Variants in LAMA1 observed in about 807,000 individuals in gnomAD.
The protein encoded by LAMA1 is laminin subunit alpha-1.
LAMA1 carries 219 observed loss-of-function variants against 348.7 expected under a neutral mutation model. The ratio of observed to expected loss-of-function variants is 0.63; its 90% CI spans 0.56 to 0.70. LAMA1 has a LOEUF of 0.70. Ranked by LOEUF, LAMA1 falls within the 30% of genes least tolerant of loss-of-function variation. LAMA1 has a pLI of 0.00. For synonymous variants in LAMA1, 1,487 were observed against 1,491.0 expected (o/e 1.00, Z 0.06); for missense variants, 3,744 against 3,888.0 (o/e 0.96, Z 0.99).
At chr18:6,945,428 G>A (rs962665448) in intron 61 of LAMA1, among the ~76,000 whole-genome samples, 2 of 152,112 alleles carry the variant, frequency 1.3e-5, no homozygotes, top group Non-Finnish European at 1.5e-5. Flanking sequence ...AAAACCCAGC[G>A]GGGAGTAAGT....
At chr18:7,033,825 C>G (rs1253885195) in intron 14 of LAMA1, among the ~76,000 whole-genome samples, 1 of 152,024 alleles carries the variant, frequency 6.6e-6, no homozygotes, top group Non-Finnish European at 1.5e-5. Context: ...ACGTGCACCT[C>G]CTGGGTTCAA....
chr18:7,113,486 G>A (rs2058343674), intron 1 of LAMA1, among the ~76,000 whole-genome samples: 1 of 152,206 alleles, frequency 6.6e-6, no homozygotes, highest in African/African-American at 2.4e-5. Context: ...GATGTGGAGT[G>A]AAAAGGGCAC....
intron 10 of LAMA1, among the ~76,000 whole-genome samples, chr18:7,039,343 A>T (rs2058010417): frequency 6.6e-6 from 1 of 152,230 alleles, no homozygotes; most frequent in Non-Finnish European, 1.5e-5. Flanking sequence ...GGTGGGAATA[A>T]GCACATAGGT....
intron 1 of LAMA1, among the ~76,000 whole-genome samples, chr18:7,085,621 C>CGT (rs1598312223): frequency 1.3e-5 from 2 of 151,454 alleles, no homozygotes; most frequent in Non-Finnish European, 2.9e-5. Flanking sequence ...GGTTTCACCA[C>CGT]GTTAGCCAGG....
At chr18:7,107,831 G>T (rs953870139) in intron 1 of LAMA1, among the ~76,000 whole-genome samples, 12 of 148,562 alleles carry the variant, frequency 8.1e-5, no homozygotes, top group African/African-American at 3.0e-4. Context: ...TGGCTACCAT[G>T]GTGAAACCCC....
Position 6,985,271 on chromosome 18 carries a change from C to T in LAMA1, c.5626G>A (p.Ala1876Thr), listed in dbSNP as rs11664063. Reference sequence around the variant, plus strand: ...ACATCTGCTAGTCTCTGGAACTCAGCGGCATGGTCCTCAGCTCTGTAGACC... The same window carrying T: ...ACATCTGCTAGTCTCTGGAACTCAGTGGCATGGTCCTCAGCTCTGTAGACC... ...DLVYRAEDHA[A>T]EFQRLADVLY... Residue 1876 changes from alanine (A) to threonine (T), a missense_variant, in exon 39 of 63, where the codon GCT becomes ACT. Coordinates refer to ENST00000389658, the MANE Select transcript of LAMA1 (RefSeq NM_005559.4). 0.23 allele frequency: 368,626 copies of T among 1,613,800 alleles called. 45,019 individuals carry two copies. Among genetic ancestry groups the T allele is most frequent in the Non-Finnish European group, 0.26 (300,860 of 1,179,766 alleles).
At chr18:6,978,511 T>C in intron 42 of LAMA1, 133 bp from the exon 43 acceptor site, 1 of 876,186 alleles carries the variant, frequency 1.1e-6, no homozygotes. Flanking sequence ...AAACTGAGGC[T>C]TGTCTGTTTG....
intron 50 of LAMA1, 23 bp from the exon 51 acceptor site, chr18:6,964,826 A>G (rs1306322091): frequency 1.9e-6 from 3 of 1,613,734 alleles, no homozygotes; most frequent in Non-Finnish European, 2.5e-6. Context: ...CACAGGCAAG[A>G]GATAAGAAAA....
At chr18:7,035,854 G>A (rs771864893) in intron 13 of LAMA1, 133 bp downstream of exon 13, 5 of 733,440 alleles carry the variant, frequency 6.8e-6, no homozygotes, top group South Asian at 1.5e-5. Flanking sequence ...CCCCACGCAA[G>A]TCCAGGGTCT....
At chr18:7,082,648 A>G (rs1332401538) in intron 1 of LAMA1, among the ~76,000 whole-genome samples, 1 of 152,214 alleles carries the variant, frequency 6.6e-6, no homozygotes, top group East Asian at 1.9e-4. Flanking sequence ...TTCTCTTATC[A>G]GCTAATCATT....
At position 7,049,243 on chromosome 18, in the gene LAMA1, G is replaced by T. The variant is rs1280844754; in HGVS notation, c.603C>A (p.Leu201=). 1.2e-6 allele frequency: 2 copies of T among 1,613,872 alleles called. No individual in the cohort carries two copies. The highest frequency in any genetic ancestry group is 1.7e-6 in the Non-Finnish European group (2 of 1,179,786). The change falls in exon 5 of 63, where the codon CTC becomes CTA. Residue 201 remains leucine (L), a synonymous_variant. Transcript: ENST00000389658. ...PLEHGEIHTS[L]INGRPSADDL... is the part of the protein sequence containing the mutation. ...CGTCAGCGCTTGGTCTGCCATTGAT[G>T]AGTGATGTATGAATCTGAAGATGAA...
chr18:6,978,245 G>A lies in LAMA1; in HGVS notation c.6141C>T (p.Asn2047=), dbSNP rs1471033253. The A allele has an allele frequency of 3.1e-6, 5 of 1,614,230 alleles. No individual in the cohort carries two copies. Among genetic ancestry groups the A allele is most frequent in the Middle Eastern group, 1.6e-4 (1 of 6,062 alleles). ...GCTGGTGTGTCTCTCGTAATGTGGT[G>A]TTGACCCTGGACAGGCTGGCAGATG... ...LNTSASLSRV[N]TTLRETHQLL... is the part of the protein sequence containing the mutation. Residue 2047 remains asparagine (N), a synonymous_variant, in exon 43 of 63, where the codon AAC becomes AAT. Transcript: ENST00000389658.
intron 3 of LAMA1, 78 bp from the exon 4 acceptor site, chr18:7,051,014 A>C: frequency 6.4e-7 from 1 of 1,550,686 alleles, no homozygotes; most frequent in Non-Finnish European, 8.8e-7. Flanking sequence ...TGCATGATCT[A>C]ACTTAAAGGT....
intron 53 of LAMA1, among the ~76,000 whole-genome samples, chr18:6,961,316 T>C (rs2057606022): frequency 6.6e-6 from 1 of 152,180 alleles, no homozygotes; most frequent in Non-Finnish European, 1.5e-5. Flanking sequence ...GTATATGCTA[T>C]CTGAATGAGT....
chr18:7,108,640 C>CAAAAAAAAAAAAAAAAAA (rs58802341), intron 1 of LAMA1, among the ~76,000 whole-genome samples: 6 of 40,238 alleles, frequency 1.5e-4, no homozygotes, highest in Admixed American at 4.2e-4. Context: ...GACTCTGTCT[C>CAAAAAAAAAAAAAAAAAA]AAAAAAAAAA....
At chr18:6,970,813 A>G (rs1568012297) in intron 48 of LAMA1, among the ~76,000 whole-genome samples, 1 of 152,110 alleles carries the variant, frequency 6.6e-6, no homozygotes, top group Non-Finnish European at 1.5e-5. Flanking sequence ...GAGTTTCACC[A>G]TATTGATCAG....
intron 1 of LAMA1, among the ~76,000 whole-genome samples, chr18:7,112,758 T>C (rs2143839290): frequency 6.6e-6 from 1 of 151,954 alleles, no homozygotes; most frequent in South Asian, 2.1e-4. Flanking sequence ...TGCCTCAGCC[T>C]CCTGAGTAGC....
At chr18:7,016,023 G>A (rs1454635137) in intron 21 of LAMA1, among the ~76,000 whole-genome samples, 165 bp from the exon 22 acceptor site, 1 of 152,124 alleles carries the variant, frequency 6.6e-6, no homozygotes, top group Non-Finnish European at 1.5e-5. Flanking sequence ...GAGGTAGCCG[G>A]CCCTCCATCT....
chr18:6,942,260 G>A (rs1444966614), intron 62 of LAMA1, 21 bp from the exon 63 acceptor site: 1 of 1,613,142 alleles, frequency 6.2e-7, no homozygotes, highest in South Asian at 1.1e-5. Flanking sequence ...AAGAAGAGAA[G>A]ACAAATCTTG....
Sources: gnomAD v4.1 joint callset for allele counts (sites outside exome capture counted in the v4.1 genomes callset) on GRCh38, gnomAD v4.1.1 for gene constraint, MANE v1.5 for transcripts, NCBI Gene and HGNC (gene_info 2026-07-23, HGNC 2026-07-21) for gene names.